The following PXDNL variants were observed in gnomAD, a reference collection of about 807,000 sequenced individuals.
PXDNL encodes peroxidasin like, also known as probable oxidoreductase PXDNL.
In PXDNL, 145 loss-of-function variants were observed where a neutral mutation model predicts 150.8. That is an observed-to-expected ratio of 0.96 (90% confidence interval 0.84 to 1.10). The LOEUF is 1.10. Ranked by LOEUF, PXDNL falls within the 50% of genes least tolerant of loss-of-function variation. The pLI, the probability that PXDNL is intolerant of heterozygous loss-of-function variation, is 0.00. For missense variants in PXDNL, 2,087 were observed against 1,873.9 expected, an observed-to-expected ratio of 1.11 and a Z score of -2.10; for synonymous variants, 757 against 725.7, an observed-to-expected ratio of 1.04 and a Z score of -0.69.
At chr8:51,435,027 A>C (rs1202677652) in intron 12 of PXDNL, among the ~76,000 whole-genome samples, 1 of 152,144 alleles carries the variant, frequency 6.6e-6, no homozygotes, top group African/African-American at 2.4e-5. Flanking sequence ...CACACACAAG[A>C]GTCTTCATTG....
intron 1 of PXDNL, among the ~76,000 whole-genome samples, chr8:51,761,453 C>T (rs973180117): frequency 2.0e-5 from 3 of 152,080 alleles, no homozygotes; most frequent in African/African-American, 7.2e-5. Context: ...ATATCCAGTG[C>T]TCAATAACTG....
At chr8:51,641,004 G>C (rs1358111559) in intron 2 of PXDNL, among the ~76,000 whole-genome samples, 1 of 152,122 alleles carries the variant, frequency 6.6e-6, no homozygotes, top group African/African-American at 2.4e-5. Flanking sequence ...TACCAAAACA[G>C]AGATATAGAT....
intron 1 of PXDNL, among the ~76,000 whole-genome samples, chr8:51,786,636 G>A (rs941594919): frequency 3.3e-5 from 5 of 152,000 alleles, no homozygotes; most frequent in African/African-American, 1.2e-4. Flanking sequence ...GCTAGCGGAG[G>A]CTGTTCATGA....
chr8:51,374,545 G>T (rs1807237362), intron 18 of PXDNL, 52 bp downstream of exon 18: 2 of 1,574,044 alleles, frequency 1.3e-6, no homozygotes, highest in South Asian at 1.1e-5. Context: ...ATACATTTTG[G>T]GTCAAAAACA....
At chr8:51,515,941 T>C (rs1023638701) in intron 4 of PXDNL, among the ~76,000 whole-genome samples, 4 of 152,196 alleles carry the variant, frequency 2.6e-5, no homozygotes, top group African/African-American at 9.6e-5. Flanking sequence ...AATAAAGATA[T>C]ATAGTAGTTT....
intron 2 of PXDNL, among the ~76,000 whole-genome samples, chr8:51,628,333 CTTT>C (rs1563488136): frequency 7.0e-6 from 1 of 142,296 alleles, no homozygotes; most frequent in Non-Finnish European, 1.5e-5. Context: ...CTCTCTTCTT[CTTT>C]ATTTCTTTCT....
intron 1 of PXDNL, among the ~76,000 whole-genome samples, chr8:51,789,879 A>T (rs1247020906): frequency 6.6e-6 from 1 of 152,206 alleles, no homozygotes; most frequent in African/African-American, 2.4e-5. Context: ...AATCATTTTT[A>T]AAAAATGAAT....
At chr8:51,377,562 G>T (rs908157220) in intron 17 of PXDNL, among the ~76,000 whole-genome samples, 1 of 152,214 alleles carries the variant, frequency 6.6e-6, no homozygotes, top group Non-Finnish European at 1.5e-5. Flanking sequence ...GTGCTTGCGG[G>T]CCAGCGCGAG....
intron 10 of PXDNL, among the ~76,000 whole-genome samples, chr8:51,449,336 C>T (rs1306280793): frequency 6.6e-6 from 1 of 152,204 alleles, no homozygotes; most frequent in Non-Finnish European, 1.5e-5. Context: ...AGCAAAACAG[C>T]AGTAGCCAAC....
intron 12 of PXDNL, among the ~76,000 whole-genome samples, chr8:51,440,611 G>A (rs1476106194): frequency 6.6e-6 from 1 of 151,638 alleles, no homozygotes; most frequent in Non-Finnish European, 1.5e-5. Flanking sequence ...ACTTACTGAT[G>A]GTGCAAATTT....
intron 21 of PXDNL, among the ~76,000 whole-genome samples, chr8:51,327,042 ACTGT>A (rs1805521044): frequency 6.6e-6 from 1 of 152,200 alleles, no homozygotes; most frequent in African/African-American, 2.4e-5. Context: ...ATTCTGAGGT[ACTGT>A]CTAATGAGAC....
chr8:51,778,436 T>G (rs918180835), intron 1 of PXDNL, among the ~76,000 whole-genome samples: 3 of 152,222 alleles, frequency 2.0e-5, no homozygotes, highest in Admixed American at 1.3e-4. Flanking sequence ...GCTATGTTTC[T>G]TAACTCAACC....
At chr8:51,603,119 T>A (rs572215177) in intron 2 of PXDNL, among the ~76,000 whole-genome samples, 7 of 152,038 alleles carry the variant, frequency 4.6e-5, no homozygotes, top group Non-Finnish European at 7.4e-5. Context: ...CTCCAACATG[T>A]ATCTGGTTCC....
chr8:51,389,238 G>C (rs1419526230), intron 17 of PXDNL, among the ~76,000 whole-genome samples: 1 of 152,124 alleles, frequency 6.6e-6, no homozygotes, highest in Non-Finnish European at 1.5e-5. Context: ...GATTTCAGGG[G>C]TTTCATGTGC....
intron 1 of PXDNL, among the ~76,000 whole-genome samples, chr8:51,735,740 G>A (rs943801499): frequency 1.3e-5 from 2 of 149,850 alleles, no homozygotes; most frequent in African/African-American, 2.4e-5. Flanking sequence ...TAGAGACGGG[G>A]TTTCACCGTT....
chr8:51,373,021 C>T (rs35949658), intron 18 of PXDNL, among the ~76,000 whole-genome samples: 5,564 of 152,246 alleles, frequency 0.037, 170 homozygotes, highest in Admixed American at 0.073. Context: ...AGACTTCTTG[C>T]CACTATCTTG....
chr8:51,366,304 T>C (rs79579868), intron 19 of PXDNL, among the ~76,000 whole-genome samples: 1,913 of 152,320 alleles, frequency 0.013, 34 homozygotes, highest in African/African-American at 0.044. Flanking sequence ...CTCTTCAAAT[T>C]GGGTTCAAAT....
intron 3 of PXDNL, among the ~76,000 whole-genome samples, chr8:51,568,232 A>C (rs1812865228): frequency 6.6e-6 from 1 of 151,396 alleles, no homozygotes; most frequent in Non-Finnish European, 1.5e-5. Flanking sequence ...TATAAGTCTG[A>C]GTTTCAGATC....
intron 1 of PXDNL, among the ~76,000 whole-genome samples, chr8:51,762,350 C>T (rs1000749255): frequency 3.3e-5 from 5 of 152,106 alleles, no homozygotes; most frequent in Non-Finnish European, 7.4e-5. Context: ...ATAGAGAATC[C>T]CCTTCCCCCT....
Sources: allele counts gnomAD v4.1 joint callset (sites outside exome capture counted in the v4.1 genomes callset), GRCh38; gene constraint gnomAD v4.1.1; transcripts MANE v1.5; gene names NCBI Gene and HGNC (gene_info 2026-07-23, HGNC 2026-07-21).